Variants in ZHX1 observed in about 807,000 individuals in gnomAD.
The protein encoded by ZHX1 is zinc fingers and homeoboxes 1, also known as zinc fingers and homeoboxes protein 1.
In ZHX1, 20 loss-of-function variants were observed where a neutral mutation model predicts 61.8. The ratio of observed to expected loss-of-function variants is 0.32; its 90% CI spans 0.23 to 0.47. ZHX1 has a LOEUF of 0.47. ZHX1 is among the 20% of genes least tolerant of loss of function. The pLI, the probability that ZHX1 is intolerant of heterozygous loss-of-function variation, is 1.00. For missense variants in ZHX1, 800 were observed against 1,034.8 expected (o/e 0.77, Z 3.11); for synonymous variants, 318 against 352.6 (o/e 0.90, Z 1.10).
chr8:123,275,422 T>G (rs1826810091), upstream of ZHX1: 1 of 152,590 alleles, frequency 6.6e-6, no homozygotes, highest in African/African-American at 2.4e-5. Context: ...CCCATCCCAG[T>G]CGCGGACCCT....
intron 2 of ZHX1, 94 bp downstream of exon 2, chr8:123,267,179 T>C: frequency 8.2e-7 from 1 of 1,224,540 alleles, no homozygotes; most frequent in Non-Finnish European, 1.1e-6. Context: ...TAAGGAAAGC[T>C]TTTAAAAACT....
At chr8:123,262,050 G>A (rs1826289041) in intron 2 of ZHX1, among the ~76,000 whole-genome samples, 1 of 152,080 alleles carries the variant, frequency 6.6e-6, no homozygotes, top group Non-Finnish European at 1.5e-5. Context: ...ATTTGGGGAA[G>A]CTTGCACTAT....
chr8:123,260,970 C>G (rs879899143), intron 2 of ZHX1, among the ~76,000 whole-genome samples: 2 of 152,012 alleles, frequency 1.3e-5, no homozygotes, highest in Non-Finnish European at 2.9e-5. Context: ...TGCAGTGAGC[C>G]AAGATCGCAC....
At chr8:123,275,479 A>C (rs1358696464), upstream of ZHX1, 4 of 151,600 alleles carry the variant, frequency 2.6e-5, no homozygotes, top group Non-Finnish European at 5.9e-5. Flanking sequence ...AGCACAGCAG[A>C]GCTCCGCTGA....
In ZHX1 at chr8:123,250,841, T is replaced by A. The variant is rs895537655; in HGVS notation, c.*4-521A>T. On this transcript the variant is annotated intron_variant, in intron 3 of 3. Coordinates refer to ENST00000395571, the MANE Select transcript of ZHX1 (RefSeq NM_007222.5). ...AACTTGATGTTTCAGAAATTTAGAC[T>A]TTTGTGTATTTAAAAAGGCATGCTT... is the stretch of plus-strand genomic sequence containing the variant. Among the ~76,000 whole-genome samples, 7 of 152,236 alleles carry A rather than the reference T, an allele frequency of 4.6e-5. 1 individual carries two copies. The South Asian group carries it at 6.2e-4, about 13-fold the overall frequency.
In ZHX1 at chr8:123,249,447, G is replaced by A. The variant is rs989869360; in HGVS notation, c.*877C>T. ...TCTTAAAAATTCTGATCTGACACCT[G>A]TATAAACATTTCTGATTTCCACGAT... is the stretch of plus-strand genomic sequence containing the variant. On this transcript the variant is annotated 3_prime_UTR_variant, in exon 4 of 4. Transcript: ENST00000395571. The A allele has an allele frequency of 2.0e-5, 3 of 152,100 alleles. No homozygotes were observed. The highest frequency in any genetic ancestry group is 2.9e-5 in the Non-Finnish European group (2 of 67,984). 9.4% of individuals were successfully genotyped at this position (152,100 alleles called of 1,614,324 possible).
chr8:123,266,414 A>G (rs996702549), intron 2 of ZHX1, among the ~76,000 whole-genome samples: 6 of 152,206 alleles, frequency 3.9e-5, no homozygotes, highest in African/African-American at 1.4e-4. Context: ...AAATACTTTG[A>G]AAGATAATAG....
intron 2 of ZHX1, among the ~76,000 whole-genome samples, chr8:123,259,219 T>C (rs559343266): frequency 6.6e-6 from 1 of 152,338 alleles, no homozygotes; most frequent in Non-Finnish European, 1.5e-5. Context: ...AAAATAATAG[T>C]GGTATTAATA....
rs68092358 is a variant in ZHX1, at chr8:123,249,838, T to TG, written c.*485_*486insC. 2.0e-5 allele frequency: 1 copy of TG among 49,536 alleles called. No individual in the cohort carries two copies. The highest frequency in any genetic ancestry group is 4.3e-5 in the Non-Finnish European group (1 of 23,202). 3.1% of individuals were successfully genotyped at this position (49,536 alleles called of 1,614,324 possible). ...AATAAGACATAGTAATAAATCAGGG[T>TG]TTTTTTTTTTTTTTTTTTTTTACCC... is the stretch of plus-strand genomic sequence containing the variant. On this transcript the variant is annotated 3_prime_UTR_variant, in exon 4 of 4. Transcript: ENST00000395571.
At chr8:123,267,909 G>A (rs530606340) in intron 1 of ZHX1, among the ~76,000 whole-genome samples, 1 of 152,304 alleles carries the variant, frequency 6.6e-6, no homozygotes, top group Non-Finnish European at 1.5e-5. Flanking sequence ...GCTGAGGCAG[G>A]AGAATCGCTT....
rs971517624 is a variant in ZHX1, at chr8:123,267,282, C to A, written c.-235G>T. ...ACAATGAAACACATACTTGCCACAG[C>A]TTCCTTAGCATTCTGTTCTTTGAAA... is the stretch of plus-strand genomic sequence containing the variant. On this transcript the variant is annotated 5_prime_UTR_variant, in exon 2 of 4. Transcript: ENST00000395571. The A allele has an allele frequency of 6.5e-7, 1 of 1,532,098 alleles. No individual in the cohort carries two copies. The highest frequency in any genetic ancestry group is 8.7e-7 in the Non-Finnish European group (1 of 1,144,200). 94.9% of individuals were successfully genotyped at this position (1,532,098 alleles called of 1,614,324 possible).
At chr8:123,257,921 G>A (rs776232833) in intron 2 of ZHX1, among the ~76,000 whole-genome samples, 14 of 152,038 alleles carry the variant, frequency 9.2e-5, no homozygotes, top group Non-Finnish European at 1.6e-4. Flanking sequence ...TTCTAGTCTA[G>A]TACTTACCAT....
At position 123,249,846 on chromosome 8, in the gene ZHX1, T is replaced by TG. The variant is rs200366301; in HGVS notation, c.*477_*478insC. 0.02 allele frequency: 3,056 copies of TG among 151,492 alleles called. 113 individuals are homozygous for TG. Among genetic ancestry groups the TG allele is most frequent in the African/African-American group, 0.071 (2,915 of 41,080 alleles). 9.4% of individuals were successfully genotyped at this position (151,492 alleles called of 1,614,324 possible). A position where few individuals can be genotyped will look rare whatever the true frequency, so the allele number is the denominator to read the frequency against. ...ATAGTAATAAATCAGGGTTTTTTTT[T>TG]TTTTTTTTTTTTTACCCATTTCTAA... On this transcript the variant is annotated 3_prime_UTR_variant, in exon 4 of 4. Transcript: ENST00000395571.
chr8:123,268,829 A>G (rs149057930), intron 1 of ZHX1, among the ~76,000 whole-genome samples: 68 of 152,320 alleles, frequency 4.5e-4, no homozygotes, highest in African/African-American at 1.4e-3. Context: ...GTAAACTATA[A>G]TGAATAAATA....
In ZHX1 at chr8:123,255,482, A is replaced by C; in HGVS notation, c.465T>G (p.Gly155=). Residue 155 remains glycine (G), a synonymous_variant, in exon 3 of 4, where the codon GGT becomes GGG. Transcript: ENST00000395571. ...EQTINDLTFD[G]SFVKEENAEQ... ...CTGCATTCTCCTCTTTAACAAAACT[A>C]CCATCAAAAGTCAGATCATTTATTG... 6.2e-7 allele frequency: 1 copy of C among 1,613,574 alleles called. No individual in the cohort carries two copies. Among genetic ancestry groups the C allele is most frequent in the Non-Finnish European group, 8.5e-7 (1 of 1,180,024 alleles).
chr8:123,249,849 T>G lies in ZHX1; in HGVS notation c.*475A>C, dbSNP rs973202257. The stretch of plus-strand genomic sequence containing the variant: ...GTAATAAATCAGGGTTTTTTTTTTT[T>G]TTTTTTTTTTACCCATTTCTAACAA... On this transcript the variant is annotated 3_prime_UTR_variant, in exon 4 of 4. Transcript: ENST00000395571. The G allele has an allele frequency of 6.6e-5, 10 of 151,838 alleles. No homozygotes were observed. The highest frequency in any genetic ancestry group is 2.1e-4 in the South Asian group (1 of 4,824). 9.4% of individuals were successfully genotyped at this position (151,838 alleles called of 1,614,324 possible). A position where few individuals can be genotyped will look rare whatever the true frequency, so the allele number is the denominator to read the frequency against.
upstream of ZHX1, among the ~76,000 whole-genome samples, chr8:123,274,911 C>A (rs933238151): frequency 2.0e-5 from 3 of 152,162 alleles, no homozygotes; most frequent in Non-Finnish European, 2.9e-5. Context: ...CCCCGCCCCT[C>A]GGGGGGCTGC....
chr8:123,252,019 A>G (rs995326041), intron 3 of ZHX1, among the ~76,000 whole-genome samples: 8 of 152,216 alleles, frequency 5.3e-5, no homozygotes, highest in African/African-American at 1.9e-4. Context: ...GAATTAAGGA[A>G]AAACTGCACA....
At chr8:123,263,151 G>A (rs1826338017) in intron 2 of ZHX1, among the ~76,000 whole-genome samples, 1 of 151,462 alleles carries the variant, frequency 6.6e-6, no homozygotes, top group South Asian at 2.1e-4. Context: ...GTAGCATTCA[G>A]GTATAGTTTT....
Sources: gnomAD v4.1 joint callset for allele counts (sites outside exome capture counted in the v4.1 genomes callset) on GRCh38, gnomAD v4.1.1 for gene constraint, MANE v1.5 for transcripts, NCBI Gene and HGNC (gene_info 2026-07-23, HGNC 2026-07-21) for gene names.